Variants in LAMA2 observed in about 807,000 individuals in gnomAD.
The protein encoded by LAMA2 is laminin subunit alpha-2.
In LAMA2, 269 loss-of-function variants were observed where a neutral mutation model predicts 364.8. That is an observed-to-expected ratio of 0.74 (90% CI 0.67 to 0.82). The LOEUF (loss-of-function observed/expected upper bound fraction) is 0.82, where lower values mean the gene tolerates loss of function less well. LAMA2 is among the 40% of genes least tolerant of loss of function. The pLI is 0.00. For missense variants in LAMA2, 3,807 were observed against 3,873.2 expected, an observed-to-expected ratio of 0.98 and a Z score of 0.45; for synonymous variants, 1,379 against 1,370.6, an observed-to-expected ratio of 1.01 and a Z score of -0.14.
intron 40 of LAMA2, among the ~76,000 whole-genome samples, chr6:129,415,883 A>G (rs1041649741): frequency 6.6e-6 from 1 of 152,018 alleles, no homozygotes; most frequent in African/African-American, 2.4e-5. Context: ...TGGTGTGGCT[A>G]GGAAAGAGTG....
At chr6:129,352,738 G>A (rs902997750) in intron 31 of LAMA2, among the ~76,000 whole-genome samples, 10 of 152,020 alleles carry the variant, frequency 6.6e-5, no homozygotes, top group Admixed American at 3.3e-4. Context: ...TTCTGATTCT[G>A]TATGGCACTC....
Position 129,300,886 on chromosome 6 carries a change from T to A in LAMA2, c.3174+14T>A. 1.9e-6 allele frequency: 3 copies of A among 1,613,416 alleles called. No individual in the cohort carries two copies. Among genetic ancestry groups the A allele is most frequent in the African/African-American group, 1.3e-5 (1 of 75,030 alleles). ...ACTGGTTGTAAGGTGAGTGAACCAC[T>A]TTTTTGCTCTGATAATTTTTTGGAG... is the stretch of plus-strand genomic sequence containing the variant. On this transcript the variant is annotated intron_variant, in intron 22 of 64. Coordinates refer to ENST00000421865, the MANE Select transcript of LAMA2 (RefSeq NM_000426.4).
intron 14 of LAMA2, among the ~76,000 whole-genome samples, chr6:129,254,851 T>G (rs1224045402): frequency 6.6e-6 from 1 of 152,194 alleles, no homozygotes; most frequent in East Asian, 1.9e-4. Flanking sequence ...AAGGCTTTTA[T>G]GAAGCACCTA....
intron 4 of LAMA2, among the ~76,000 whole-genome samples, chr6:129,119,621 C>T (rs1272033712): frequency 6.6e-6 from 1 of 152,096 alleles, no homozygotes; most frequent in African/African-American, 2.4e-5. Flanking sequence ...GATCTTGGCT[C>T]ACTGCAAGCT....
At position 129,325,556 on chromosome 6, in the gene LAMA2, C is replaced by T. The variant is rs147166479; in HGVS notation, c.4177-2722C>T. 3.3e-5 allele frequency among the ~76,000 whole-genome samples: 5 copies of T among 151,508 alleles called. No individual in the cohort carries two copies. The East Asian group carries it at 7.8e-4, about 24-fold the overall frequency. Reference sequence around the variant, plus strand: ...CTGTTTTTTTTTTTAAAAAAAACAGCACGTTTTAAGTTTCTAATCTTTGCG... The same window carrying T: ...CTGTTTTTTTTTTTAAAAAAAACAGTACGTTTTAAGTTTCTAATCTTTGCG... On this transcript the variant is annotated intron_variant, in intron 28 of 64. Coordinates refer to ENST00000421865, the MANE Select transcript of LAMA2 (RefSeq NM_000426.4).
chr6:128,883,805 C>T (rs12202078), intron 1 of LAMA2, among the ~76,000 whole-genome samples: 2,778 of 97,172 alleles, frequency 0.029, 29 homozygotes, highest in Non-Finnish European at 0.037. Context: ...TATATATACA[C>T]ACACACACAC....
intron 64 of LAMA2, among the ~76,000 whole-genome samples, chr6:129,515,277 G>C (rs1330614670): frequency 6.6e-6 from 1 of 152,166 alleles, no homozygotes; most frequent in Non-Finnish European, 1.5e-5. Context: ...TTTATATAAA[G>C]CTCCTTTGCT....
chr6:128,959,583 T>C (rs919480714), intron 1 of LAMA2, among the ~76,000 whole-genome samples: 1 of 152,166 alleles, frequency 6.6e-6, no homozygotes, highest in Non-Finnish European at 1.5e-5. Context: ...CTATCTGGAA[T>C]GCTTCTCCCC....
intron 3 of LAMA2, among the ~76,000 whole-genome samples, chr6:129,095,327 A>G (rs1024848133): frequency 1.3e-5 from 2 of 152,244 alleles, no homozygotes; most frequent in African/African-American, 4.8e-5. Context: ...TAGTATTTCC[A>G]TATACAAAAT....
At chr6:129,042,294 G>A (rs1787157228) in intron 1 of LAMA2, among the ~76,000 whole-genome samples, 1 of 152,088 alleles carries the variant, frequency 6.6e-6, no homozygotes, top group Non-Finnish European at 1.5e-5. Context: ...AACAGAGCGA[G>A]ACTCCATGTC....
chr6:128,945,565 A>G (rs761632827), intron 1 of LAMA2, among the ~76,000 whole-genome samples: 12 of 152,246 alleles, frequency 7.9e-5, no homozygotes, highest in Non-Finnish European at 1.6e-4. Context: ...TTTTCACAGA[A>G]TAAAAATAAT....
chr6:128,945,276 T>A (rs1780421472), intron 1 of LAMA2, among the ~76,000 whole-genome samples: 1 of 152,204 alleles, frequency 6.6e-6, no homozygotes, highest in East Asian at 1.9e-4. Context: ...TTTTAAAACC[T>A]TGACCTATGA....
Position 129,226,769 on chromosome 6 carries a change from T to A in LAMA2, c.1783-23343T>A, listed in dbSNP as rs555748803. Among the ~76,000 whole-genome samples, 910 of 152,294 alleles carry A rather than the reference T, an allele frequency of 6.0e-3. 5 individuals carry two copies. Among genetic ancestry groups the A allele is most frequent in the East Asian group, 0.019 (99 of 5,184 alleles). ...TCTCTCTGGCTGCCCTTAACATTTT[T>A]TCCTTCATTTCAACTTTGGTGAATC... On this transcript the variant is annotated intron_variant, in intron 12 of 64. Transcript: ENST00000421865.
At chr6:129,080,961 C>T (rs1774011429) in intron 3 of LAMA2, among the ~76,000 whole-genome samples, 1 of 152,074 alleles carries the variant, frequency 6.6e-6, no homozygotes, top group African/African-American at 2.4e-5. Flanking sequence ...TATTGTGGCA[C>T]TATTCACAAT....
intron 1 of LAMA2, among the ~76,000 whole-genome samples, chr6:128,986,743 C>A (rs1005942810): frequency 1.3e-5 from 2 of 151,892 alleles, no homozygotes; most frequent in Admixed American, 1.3e-4. Flanking sequence ...AAAAAAAAAT[C>A]ACTTGAAAAA....
chr6:129,238,422 G>A (rs757762741), intron 12 of LAMA2, among the ~76,000 whole-genome samples: 5 of 152,024 alleles, frequency 3.3e-5, no homozygotes, highest in South Asian at 2.1e-4. Flanking sequence ...ATAACATAAC[G>A]TATAATTCAG....
chr6:129,505,093 A>G (rs778909479), intron 60 of LAMA2, 107 bp from the exon 61 acceptor site: 7 of 975,510 alleles, frequency 7.2e-6, no homozygotes, highest in Non-Finnish European at 8.3e-6. Context: ...CACTGTGTAC[A>G]TTGTTTCAAT....
intron 12 of LAMA2, among the ~76,000 whole-genome samples, chr6:129,229,618 T>C (rs1467284156): frequency 6.6e-6 from 1 of 151,562 alleles, no homozygotes; most frequent in East Asian, 1.9e-4. Context: ...GATAGACCAG[T>C]TAAGAGACTT....
At chr6:129,291,491 C>G in intron 19 of LAMA2, 123 bp from the exon 20 acceptor site, 1 of 741,028 alleles carries the variant, frequency 1.3e-6, no homozygotes, top group South Asian at 1.5e-5. Flanking sequence ...CTTAACAAAT[C>G]AGAAAACATT....
Sources: allele counts gnomAD v4.1 joint callset (sites outside exome capture counted in the v4.1 genomes callset), GRCh38; gene constraint gnomAD v4.1.1; transcripts MANE v1.5; gene names NCBI Gene and HGNC (gene_info 2026-07-23, HGNC 2026-07-21).